The following OPCML variants were observed in gnomAD, a reference collection of about 807,000 sequenced individuals.
The protein encoded by OPCML is opioid-binding protein/cell adhesion molecule.
A neutral mutation model predicts 37.8 loss-of-function variants in OPCML; 13 were observed. The ratio of observed to expected loss-of-function variants is 0.34; its 90% CI spans 0.22 to 0.55. The LOEUF (loss-of-function observed/expected upper bound fraction) is 0.55, where lower values mean the gene tolerates loss of function less well. Ranked by LOEUF, OPCML falls within the 20% of genes least tolerant of loss-of-function variation. The pLI is 0.91. For synonymous variants in OPCML, 176 were observed against 168.8 expected (o/e 1.04, Z -0.33); for missense variants, 341 against 435.6 (o/e 0.78, Z 1.93).
rs548932156 is a variant in OPCML at position 133,407,711 on chromosome 11, G to A, written c.61+124553C>T. ...GGTTATAATTGCTCCCTAGAGAAAG[G>A]AGGCTGACAGGTCAGAGACTGTGGT... On this transcript the variant is annotated intron_variant, in intron 1 of 7. Coordinates refer to ENST00000524381, the MANE Select transcript of OPCML (RefSeq NM_001012393.5). 1.9e-4 allele frequency among the ~76,000 whole-genome samples: 29 copies of A among 152,324 alleles called. 1 individual carries two copies. The South Asian group carries it at 5.8e-3, about 30-fold the overall frequency.
At chr11:133,159,429 C>T (rs1950111841) in intron 1 of OPCML, among the ~76,000 whole-genome samples, 1 of 152,124 alleles carries the variant, frequency 6.6e-6, no homozygotes, top group Non-Finnish European at 1.5e-5. Context: ...TTCTTCTGTC[C>T]CACAGGGTAT....
At position 133,005,814 on chromosome 11, in the gene OPCML, C is replaced by T. The variant is rs894761428; in HGVS notation, c.62-62804G>A. 5 of 985,126 alleles carry T rather than the reference C, an allele frequency of 5.1e-6. No homozygotes were observed. The African/African-American group carries it at 8.7e-5, about 17-fold the overall frequency. The allele number at this position is 985,126 out of a possible 1,614,324, so 61.0% of individuals were successfully genotyped here. A position where few individuals can be genotyped will look rare whatever the true frequency, so the allele number is the denominator to read the frequency against. On this transcript the variant is annotated intron_variant, in intron 1 of 7. Transcript: ENST00000524381. The stretch of plus-strand genomic sequence containing the variant: ...AATTAGGAGATGGGCATTTCCCTGG[C>T]CCTGGGGGAAAGAGGCTGCTCTTTG...
rs1426210002 is a variant in OPCML at position 132,417,281 on chromosome 11, G to GAAA, written c.*2911_*2912insTTT. 11 of 152,292 alleles carry GAAA rather than the reference G, an allele frequency of 7.2e-5. No homozygotes were observed. Among genetic ancestry groups the GAAA allele is most frequent in the African/African-American group, 2.4e-4 (10 of 41,552 alleles). The allele number at this position is 152,292 out of a possible 1,614,324, so 9.4% of individuals were successfully genotyped here. On this transcript the variant is annotated 3_prime_UTR_variant, in exon 8 of 8. Coordinates refer to ENST00000524381, the MANE Select transcript of OPCML (RefSeq NM_001012393.5). Reference sequence around the variant, plus strand: ...TGGGTGACAGCCACTCTCCCATGAAGCCATCCCCACCAAAGAAACACAAAA... The same window carrying GAAA: ...TGGGTGACAGCCACTCTCCCATGAAGAAACCATCCCCACCAAAGAAACACAAAA...
At chr11:133,490,311 C>A (rs941213818) in intron 1 of OPCML, among the ~76,000 whole-genome samples, 2 of 152,162 alleles carry the variant, frequency 1.3e-5, no homozygotes, top group African/African-American at 4.8e-5. Context: ...CTCCAAATGA[C>A]CTGCTTTTTT....
At chr11:132,511,576 G>T (rs2096268941) in intron 4 of OPCML, among the ~76,000 whole-genome samples, 1 of 151,932 alleles carries the variant, frequency 6.6e-6, no homozygotes, top group Non-Finnish European at 1.5e-5. Context: ...TAGATGAATA[G>T]AAAATAAGAG....
At chr11:133,124,014 C>T (rs1949460291) in intron 1 of OPCML, among the ~76,000 whole-genome samples, 1 of 151,896 alleles carries the variant, frequency 6.6e-6, no homozygotes, top group African/African-American at 2.4e-5. Flanking sequence ...ACATGAATGC[C>T]AGCAATGACT....
chr11:133,128,838 GCT>G (rs1265580229), intron 1 of OPCML, among the ~76,000 whole-genome samples: 1 of 152,110 alleles, frequency 6.6e-6, no homozygotes, highest in African/African-American at 2.4e-5. Context: ...TCAAAATGAA[GCT>G]CTCATGAGGA....
chr11:133,510,310 T>C (rs1000641899), intron 1 of OPCML, among the ~76,000 whole-genome samples: 2 of 152,196 alleles, frequency 1.3e-5, no homozygotes, highest in Admixed American at 1.3e-4. Context: ...GAAGAGGGTA[T>C]AGGGGAAAGT....
intron 1 of OPCML, among the ~76,000 whole-genome samples, chr11:133,128,535 C>T (rs1478505413): frequency 6.6e-6 from 1 of 152,184 alleles, no homozygotes; most frequent in African/African-American, 2.4e-5. Context: ...TAGGGCATGG[C>T]TCAGACTTTC....
chr11:132,705,465 T>C (rs1467070852), intron 2 of OPCML, among the ~76,000 whole-genome samples: 1 of 151,932 alleles, frequency 6.6e-6, no homozygotes, highest in Admixed American at 6.6e-5. Context: ...TGGTGTCATG[T>C]GCCTGTAGTC....
At chr11:133,470,247 A>G (rs1947073234) in intron 1 of OPCML, among the ~76,000 whole-genome samples, 1 of 152,222 alleles carries the variant, frequency 6.6e-6, no homozygotes, top group Non-Finnish European at 1.5e-5. Context: ...CTTGAAATAA[A>G]ACAACATGAT....
intron 1 of OPCML, among the ~76,000 whole-genome samples, chr11:133,513,625 T>A (rs1948203766): frequency 1.3e-5 from 2 of 152,190 alleles, no homozygotes; most frequent in South Asian, 4.1e-4. Flanking sequence ...TGTTAACGTG[T>A]TTACAGAATT....
intron 2 of OPCML, among the ~76,000 whole-genome samples, chr11:132,814,280 G>C (rs1397712573): frequency 1.3e-5 from 2 of 152,218 alleles, no homozygotes; most frequent in Non-Finnish European, 2.9e-5. Flanking sequence ...GATAGAGATA[G>C]AGATGTATTT....
At chr11:133,313,923 ATTAT>A (rs1347336765) in intron 1 of OPCML, among the ~76,000 whole-genome samples, 1 of 152,206 alleles carries the variant, frequency 6.6e-6, no homozygotes, top group Non-Finnish European at 1.5e-5. Context: ...GAAGAAGTCC[ATTAT>A]TTATTTGCTA....
intron 4 of OPCML, among the ~76,000 whole-genome samples, chr11:132,494,128 T>C (rs1176154669): frequency 6.6e-6 from 1 of 152,188 alleles, no homozygotes; most frequent in African/African-American, 2.4e-5. Flanking sequence ...GAAATAATGG[T>C]CTCTGTTGTC....
chr11:132,767,806 G>T (rs1823209961), intron 2 of OPCML, among the ~76,000 whole-genome samples: 1 of 149,768 alleles, frequency 6.7e-6, no homozygotes, highest in Non-Finnish European at 1.5e-5. Context: ...CAATATAATA[G>T]CTTGGAAAAA....
rs1565889080 is a variant in OPCML, at chr11:132,822,540, G to A, written c.146+120386C>T. ...TGTGTGTGTGCGCGCACACACTCAT[G>A]CACTGTCACATGCAAAAGCAGTTCT... On this transcript the variant is annotated intron_variant, in intron 2 of 7. Coordinates refer to ENST00000524381, the MANE Select transcript of OPCML (RefSeq NM_001012393.5). Among the ~76,000 whole-genome samples the A allele has an allele frequency of 4.6e-5, 7 of 151,940 alleles. No individual in the cohort carries two copies. The South Asian group carries it at 1.2e-3, about 27-fold the overall frequency.
intron 7 of OPCML, among the ~76,000 whole-genome samples, chr11:132,424,679 G>A (rs886988184): frequency 1.3e-5 from 2 of 152,114 alleles, no homozygotes; most frequent in Admixed American, 6.5e-5. Context: ...GTGATCTTAG[G>A]CAAGATACTT....
At chr11:133,016,847 G>A (rs547828557) in intron 1 of OPCML, among the ~76,000 whole-genome samples, 15 of 152,264 alleles carry the variant, frequency 9.9e-5, no homozygotes, top group Non-Finnish European at 1.8e-4. Context: ...CACTCTGCTC[G>A]TTTATAATGA....
Sources: allele counts gnomAD v4.1 joint callset (sites outside exome capture counted in the v4.1 genomes callset), GRCh38; gene constraint gnomAD v4.1.1; transcripts MANE v1.5; gene names NCBI Gene and HGNC (gene_info 2026-07-23, HGNC 2026-07-21).